Variants in WDR89 observed in about 807,000 individuals in gnomAD.
WDR89 encodes WD repeat-containing protein 89.
In WDR89, 17 loss-of-function variants were observed where a neutral mutation model predicts 29.1. That is an observed-to-expected ratio of 0.58 (90% CI 0.40 to 0.88). WDR89 has a LOEUF of 0.88. Ranked by LOEUF, WDR89 falls within the 40% of genes least tolerant of loss-of-function variation. WDR89 has a pLI of 0.00. For synonymous variants in WDR89, 138 were observed against 157.8 expected, an observed-to-expected ratio of 0.87 and a Z score of 0.94; for missense variants, 396 against 456.3, an observed-to-expected ratio of 0.87 and a Z score of 1.20.
At chr14:63,634,339 T>C (rs10149737) in intron 1 of WDR89, among the ~76,000 whole-genome samples, 11,703 of 152,106 alleles carry the variant, frequency 0.077, 818 homozygotes, top group African/African-American at 0.19. Context: ...CTGACCAACA[T>C]GGTGAAACCC....
At chr14:63,613,864 T>G (rs1459640023) in intron 2 of WDR89, among the ~76,000 whole-genome samples, 2 of 143,712 alleles carry the variant, frequency 1.4e-5, no homozygotes, top group African/African-American at 5.1e-5. Flanking sequence ...CGGTCTCACA[T>G]ACTTGAACTC....
intron 2 of WDR89, among the ~76,000 whole-genome samples, chr14:63,612,420 G>A (rs1882048953): frequency 1.3e-5 from 2 of 151,848 alleles, no homozygotes; most frequent in African/African-American, 4.8e-5. Context: ...CTGCCTCCCG[G>A]GCTAGAGTGT....
At chr14:63,601,208 T>C (rs1895048185) in intron 2 of WDR89, among the ~76,000 whole-genome samples, 1 of 152,038 alleles carries the variant, frequency 6.6e-6, no homozygotes, top group South Asian at 2.1e-4. Flanking sequence ...TTCAAACAAC[T>C]AAGTTTGCAG....
intron 1 of WDR89, among the ~76,000 whole-genome samples, chr14:63,627,206 G>T (rs1250603716): frequency 2.1e-5 from 3 of 144,686 alleles, no homozygotes; most frequent in South Asian, 2.2e-4. Context: ...TAAACTTTTT[G>T]ACAAGTATTC....
chr14:63,616,471 AAGGCAAGAAAAATG>A (rs778623726), intron 2 of WDR89, among the ~76,000 whole-genome samples: 59 of 152,200 alleles, frequency 3.9e-4, no homozygotes, highest in Admixed American at 7.2e-4. Flanking sequence ...AACATAGGGT[AAGGCAAGAAAAATG>A]AGGCAGGAAA....
intron 1 of WDR89, among the ~76,000 whole-genome samples, chr14:63,632,744 A>G (rs372553375): frequency 2.0e-5 from 3 of 152,294 alleles, no homozygotes; most frequent in African/African-American, 7.2e-5. Context: ...CAAGCACCCT[A>G]TAATAGAGAA....
At chr14:63,620,325 G>A (rs1034819643) in intron 2 of WDR89, among the ~76,000 whole-genome samples, 4 of 152,048 alleles carry the variant, frequency 2.6e-5, no homozygotes, top group East Asian at 3.9e-4. Flanking sequence ...ATAAACTAAA[G>A]CCAGATATAG....
intron 2 of WDR89, among the ~76,000 whole-genome samples, chr14:63,607,894 A>G (rs112282411): frequency 2.7e-5 from 4 of 150,588 alleles, no homozygotes. Context: ...AAAAAAAAAA[A>G]AAAGAAAAGA....
intron 2 of WDR89, among the ~76,000 whole-genome samples, chr14:63,614,327 A>G (rs889917148): frequency 2.1e-5 from 3 of 140,230 alleles, no homozygotes; most frequent in African/African-American, 8.1e-5. Flanking sequence ...TTTTTTTTTG[A>G]GACAGGGTCT....
At chr14:63,640,485 G>T (rs1269540802) in intron 1 of WDR89, among the ~76,000 whole-genome samples, 1 of 146,620 alleles carries the variant, frequency 6.8e-6, no homozygotes, top group Non-Finnish European at 1.5e-5. Flanking sequence ...GTGTTTTATT[G>T]ACTTTTTTTT....
intron 2 of WDR89, among the ~76,000 whole-genome samples, chr14:63,616,217 T>C (rs77165224): frequency 0.012 from 1,836 of 152,188 alleles, 53 homozygotes; most frequent in African/African-American, 0.042. Flanking sequence ...TGAGCTGTGA[T>C]TGCGCCACTG....
At chr14:63,624,465 CAA>C (rs78411191) in intron 2 of WDR89, among the ~76,000 whole-genome samples, 1 of 57,904 alleles carries the variant, frequency 1.7e-5, no homozygotes. Flanking sequence ...GAGACCCTGT[CAA>C]AAAAAAAAAA....
At chr14:63,616,078 AC>A (rs1433003366) in intron 2 of WDR89, among the ~76,000 whole-genome samples, 1 of 152,096 alleles carries the variant, frequency 6.6e-6, no homozygotes, top group Non-Finnish European at 1.5e-5. Context: ...CTCCGTCTCT[AC>A]AAAATTTAGC....
Position 63,632,127 on chromosome 14 carries a change from C to CA in WDR89, c.-137-7095dup, listed in dbSNP as rs530305788. On this transcript the variant is annotated intron_variant, in intron 1 of 2. Coordinates refer to ENST00000620954, the MANE Select transcript of WDR89 (RefSeq NM_080666.4). ...ACTCTGCCTCAAAAAAACAAACAAA[C>CA]AAAAAAAAAACTAAAAACAAAAAAA... 5.0e-4 allele frequency among the ~76,000 whole-genome samples: 70 copies of CA among 139,146 alleles called. 1 individual carries two copies. Among genetic ancestry groups the CA allele is most frequent in the South Asian group, 1.4e-3 (6 of 4,434 alleles). 91.3% of individuals were successfully genotyped at this position (139,146 alleles called of 152,430 possible). A position where few individuals can be genotyped will look rare whatever the true frequency, so the allele number is the denominator to read the frequency against.
At chr14:63,612,702 C>T (rs1372666380) in intron 2 of WDR89, among the ~76,000 whole-genome samples, 2 of 152,070 alleles carry the variant, frequency 1.3e-5, no homozygotes, top group Non-Finnish European at 2.9e-5. Flanking sequence ...TTCAAGAATT[C>T]TCACGAATAC....
In WDR89 at chr14:63,597,805, C is replaced by T. The variant is rs1178040555; in HGVS notation, c.*974G>A. On this transcript the variant is annotated 3_prime_UTR_variant, in exon 3 of 3. Transcript: ENST00000620954. ...GCACCATCACGTTTTTGTTTCTTCC[C>T]CCTCATTTCCCCGCCCCTACCAGAT... 1 of 152,208 alleles carries T rather than the reference C, an allele frequency of 6.6e-6. No homozygotes were observed. Among genetic ancestry groups the T allele is most frequent in the Non-Finnish European group, 1.5e-5 (1 of 68,080 alleles). 9.4% of individuals were successfully genotyped at this position (152,208 alleles called of 1,614,324 possible). A position where few individuals can be genotyped will look rare whatever the true frequency, so the allele number is the denominator to read the frequency against.
intron 2 of WDR89, among the ~76,000 whole-genome samples, chr14:63,620,810 A>T (rs1223570323): frequency 6.6e-6 from 1 of 151,586 alleles, no homozygotes; most frequent in African/African-American, 2.4e-5. Context: ...AGGCATGAAA[A>T]TTACTTGAAC....
rs1881913464 is a variant in WDR89 at position 63,610,699 on chromosome 14, TTTC to T, written c.-31-10729_-31-10727del. Among the ~76,000 whole-genome samples the T allele has an allele frequency of 2.0e-5, 3 of 149,088 alleles. No homozygotes were observed. In the Admixed American group the frequency reaches 2.0e-4, roughly 10 times the overall value. Reference sequence around the variant, plus strand: ...TTTGAGGAATATTCTTTTCTTTTCTTTTCTTTTTTTTTTTTTTTTTTGAGAGGG... The same window carrying T: ...TTTGAGGAATATTCTTTTCTTTTCTTTTTTTTTTTTTTTTTTTTGAGAGGG... On this transcript the variant is annotated intron_variant, in intron 2 of 2. Coordinates refer to ENST00000620954, the MANE Select transcript of WDR89 (RefSeq NM_080666.4).
intron 1 of WDR89, among the ~76,000 whole-genome samples, chr14:63,629,956 T>C (rs2139563854): frequency 6.6e-6 from 1 of 152,242 alleles, no homozygotes; most frequent in South Asian, 2.1e-4. Flanking sequence ...TAAACACATT[T>C]TTTTTTCTTG....
Sources: allele counts gnomAD v4.1 joint callset (sites outside exome capture counted in the v4.1 genomes callset), GRCh38; gene constraint gnomAD v4.1.1; transcripts MANE v1.5; gene names NCBI Gene and HGNC (gene_info 2026-07-23, HGNC 2026-07-21).